TSPEAR: variants seen among roughly 807,000 people sequenced by gnomAD.
TSPEAR encodes the protein thrombospondin type laminin G domain and EAR repeats.
Under a neutral mutation model 71.6 loss-of-function variants are expected in TSPEAR, and 69 were observed. The ratio of observed to expected loss-of-function variants is 0.96; its 90% CI spans 0.79 to 1.18. The LOEUF (loss-of-function observed/expected upper bound fraction) is 1.18. Ranked by LOEUF, TSPEAR falls within the 50% of genes most tolerant of loss-of-function variation. The probability of loss-of-function intolerance (pLI) is 0.00; values close to 1 mark genes in which losing one functional copy is unlikely to be tolerated. For missense variants in TSPEAR, 971 were observed against 894.9 expected, an observed-to-expected ratio of 1.09 and a Z score of -1.09; for synonymous variants, 402 against 387.2, an observed-to-expected ratio of 1.04 and a Z score of -0.45.
intron 1 of TSPEAR, among the ~76,000 whole-genome samples, chr21:44,618,191 G>A (rs1329733929): frequency 6.6e-6 from 1 of 152,188 alleles, no homozygotes; most frequent in African/African-American, 2.4e-5. Context: ...CCCCCATGCT[G>A]TTGTAGTGAT....
At chr21:44,608,074 A>C (rs1331151281) in intron 1 of TSPEAR, among the ~76,000 whole-genome samples, 4 of 152,322 alleles carry the variant, frequency 2.6e-5, no homozygotes, top group African/African-American at 9.6e-5. Flanking sequence ...GGGATTGATC[A>C]TGAAAAGTAC....
intron 1 of TSPEAR, among the ~76,000 whole-genome samples, chr21:44,659,475 C>T (rs936397382): frequency 2.6e-5 from 4 of 152,160 alleles, no homozygotes; most frequent in Admixed American, 6.5e-5. Context: ...CACCTCCCCC[C>T]ACACACTAAT....
intron 1 of TSPEAR, chr21:44,592,598 T>C: frequency 6.8e-7 from 1 of 1,481,326 alleles, no homozygotes; most frequent in South Asian, 1.4e-5. Context: ...CCCTTCCGTG[T>C]TGCCGAGAGC....
rs138021585 is a variant in TSPEAR, at chr21:44,561,340, A to G, written c.303+6445T>C. ...AGTTCTGAAATTGAGGCAGTAATTA[A>G]TAGTCTACCAACCAAAAAAAGCCCG... On this transcript the variant is annotated intron_variant, in intron 2 of 11. Transcript: ENST00000323084. Among the ~76,000 whole-genome samples, 49 of 152,328 alleles carry G rather than the reference A, an allele frequency of 3.2e-4. No individual in the cohort carries two copies. In the East Asian group the frequency reaches 9.4e-3, roughly 29 times the overall value.
At chr21:44,698,900 G>C (rs1266354304) in intron 1 of TSPEAR, among the ~76,000 whole-genome samples, 2 of 152,168 alleles carry the variant, frequency 1.3e-5, no homozygotes, top group Non-Finnish European at 2.9e-5. Flanking sequence ...GTGAAACCTT[G>C]TCTCCATTAA....
At chr21:44,587,286 A>G (rs1288214202) in intron 1 of TSPEAR, among the ~76,000 whole-genome samples, 21 of 152,226 alleles carry the variant, frequency 1.4e-4, no homozygotes, top group Admixed American at 1.2e-3. Flanking sequence ...AATCCCTTTT[A>G]CAATAGCTGC....
chr21:44,618,307 C>T (rs1472201870), intron 1 of TSPEAR, among the ~76,000 whole-genome samples: 1 of 152,226 alleles, frequency 6.6e-6, no homozygotes, highest in Non-Finnish European at 1.5e-5. Flanking sequence ...TCCCCATTGC[C>T]TTCCACCATG....
chr21:44,628,461 T>C (rs1983042038), intron 1 of TSPEAR, among the ~76,000 whole-genome samples: 1 of 151,716 alleles, frequency 6.6e-6, no homozygotes, highest in South Asian at 2.1e-4. Flanking sequence ...CTGGGCCCCG[T>C]GGATCTCTTT....
chr21:44,582,546 C>G (rs1034475461), intron 1 of TSPEAR, among the ~76,000 whole-genome samples: 2 of 152,220 alleles, frequency 1.3e-5, no homozygotes, highest in African/African-American at 4.8e-5. Flanking sequence ...GATTCCTTGT[C>G]TCTTTATTCC....
At position 44,574,860 on chromosome 21, in the gene TSPEAR, G is replaced by A. The variant is rs200549813; in HGVS notation, c.83-6855C>T. ...CTCCGTGTCCCTCCTCTGCCGCCCCGTGTGCAGGCCCGCCTGCTGCGTGCC... is the reference window on the plus strand; with the variant it reads ...CTCCGTGTCCCTCCTCTGCCGCCCCATGTGCAGGCCCGCCTGCTGCGTGCC... On this transcript the variant is annotated intron_variant, in intron 1 of 11. Coordinates refer to ENST00000323084, the MANE Select transcript of TSPEAR (RefSeq NM_144991.3). 169 of 1,612,362 alleles carry A rather than the reference G, an allele frequency of 1.0e-4. No homozygotes were observed. The highest frequency in any genetic ancestry group is 1.2e-4 in the Non-Finnish European group (146 of 1,179,772).
intron 1 of TSPEAR, chr21:44,637,687 C>A (rs782168986): frequency 3.7e-6 from 5 of 1,341,862 alleles, no homozygotes; most frequent in Non-Finnish European, 5.1e-6. Context: ...CCTCCCCCTG[C>A]CAGCAGGCCT....
chr21:44,600,745 T>G (rs1980758985), intron 1 of TSPEAR: 1 of 1,611,078 alleles, frequency 6.2e-7, no homozygotes, highest in African/African-American at 1.4e-5. Context: ...AGAGAGCTGC[T>G]GCGAGCCCCC....
intron 1 of TSPEAR, among the ~76,000 whole-genome samples, chr21:44,636,114 TTTCTG>T (rs1983548760): frequency 6.6e-6 from 1 of 152,262 alleles, no homozygotes; most frequent in South Asian, 2.1e-4. Flanking sequence ...TTACAAGTAC[TTTCTG>T]GCAGTTCATA....
chr21:44,547,771 C>T (rs1024951342), intron 2 of TSPEAR, among the ~76,000 whole-genome samples: 2 of 152,074 alleles, frequency 1.3e-5, no homozygotes, highest in Non-Finnish European at 2.9e-5. Context: ...CCTTCCCCTT[C>T]ACTTCCTGCT....
At position 44,593,472 on chromosome 21, in the gene TSPEAR, G is replaced by T. The variant is rs587601294; in HGVS notation, c.83-25467C>A. On this transcript the variant is annotated intron_variant, in intron 1 of 11. Coordinates refer to ENST00000323084, the MANE Select transcript of TSPEAR (RefSeq NM_144991.3). The surrounding 1 kb of genome is among the most constrained non-coding windows in gnomAD (Gnocchi z 5.9). ...TGATCTCACTGCAAACCCATTGCCA[G>T]TGTAAACGAAACATAAAATCCTAAG... Among the ~76,000 whole-genome samples, 1 of 152,336 alleles carries T rather than the reference G, an allele frequency of 6.6e-6. No individual in the cohort carries two copies. Among genetic ancestry groups the T allele is most frequent in the Non-Finnish European group, 1.5e-5 (1 of 68,032 alleles).
At chr21:44,678,961 T>C (rs1986450761) in intron 1 of TSPEAR, among the ~76,000 whole-genome samples, 2 of 152,224 alleles carry the variant, frequency 1.3e-5, no homozygotes, top group South Asian at 4.1e-4. Context: ...TTCCAGTTTA[T>C]CTACTGTTCC....
chr21:44,599,964 C>A (rs2146144100), intron 1 of TSPEAR, among the ~76,000 whole-genome samples: 1 of 152,312 alleles, frequency 6.6e-6, no homozygotes, highest in Non-Finnish European at 1.5e-5. Context: ...GATCTGGGGC[C>A]TCCCTAAGTG....
At chr21:44,581,202 CCT>C (rs1331944850) in intron 1 of TSPEAR, among the ~76,000 whole-genome samples, 3 of 152,054 alleles carry the variant, frequency 2.0e-5, no homozygotes, top group Non-Finnish European at 4.4e-5. Flanking sequence ...CCCTCAGAGC[CCT>C]CTCTCTGTTT....
chr21:44,508,989 G>A, intron 10 of TSPEAR: 1 of 1,524,574 alleles, frequency 6.6e-7, no homozygotes, highest in Non-Finnish European at 8.9e-7. Flanking sequence ...AACCAAACCT[G>A]TGTCTCAGGG....
Sources: gnomAD v4.1 joint callset for allele counts (sites outside exome capture counted in the v4.1 genomes callset) on GRCh38, gnomAD v4.1.1 for gene constraint, Gnocchi (gnomAD v3.1) non-coding constraint, MANE v1.5 for transcripts, NCBI Gene and HGNC (gene_info 2026-07-23, HGNC 2026-07-21) for gene names.